LRRC7: variants seen among roughly 807,000 people sequenced by gnomAD.
LRRC7 encodes the protein leucine rich repeat containing 7.
LRRC7 carries 23 observed loss-of-function variants against 175.7 expected under a neutral mutation model. That is an observed-to-expected ratio of 0.13 (90% CI 0.09 to 0.19). The LOEUF (loss-of-function observed/expected upper bound fraction) is 0.19. LRRC7 is among the 10% of genes least tolerant of loss of function. The pLI is 1.00. For missense variants in LRRC7, 1,354 were observed against 1,904.7 expected, an observed-to-expected ratio of 0.71 and a Z score of 5.38; for synonymous variants, 685 against 680.9, an observed-to-expected ratio of 1.01 and a Z score of -0.09.
chr1:69,748,435 C>G (rs1460021371), intron 2 of LRRC7, among the ~76,000 whole-genome samples: 1 of 152,124 alleles, frequency 6.6e-6, no homozygotes, highest in Non-Finnish European at 1.5e-5. Flanking sequence ...CCTACTAGTC[C>G]TTACTAAAGC....
intron 1 of LRRC7, among the ~76,000 whole-genome samples, chr1:69,645,291 G>A (rs1204789908): frequency 6.6e-6 from 1 of 151,924 alleles, no homozygotes; most frequent in Non-Finnish European, 1.5e-5. Context: ...ATAATCAATT[G>A]TATTTCTGAA....
chr1:69,613,891 A>G (rs1357119583), intron 1 of LRRC7, among the ~76,000 whole-genome samples: 1 of 152,070 alleles, frequency 6.6e-6, no homozygotes, highest in Non-Finnish European at 1.5e-5. Context: ...AATGACAGAA[A>G]AAGTACATAT....
rs535800362 is a variant in LRRC7 at position 69,771,991 on chromosome 1, G to T, written c.303+11598G>T. Among the ~76,000 whole-genome samples, 4 of 151,994 alleles carry T rather than the reference G, an allele frequency of 2.6e-5. No homozygotes were observed. In the East Asian group the frequency reaches 7.8e-4, roughly 30 times the overall value. On this transcript the variant is annotated intron_variant, in intron 3 of 26. Transcript: ENST00000651989. Reference sequence around the variant, plus strand: ...CAAAAAATTAGCCAGGCATGATGGCGGTGCCTGCAATGCCAGCTACTCAGG... The same window carrying T: ...CAAAAAATTAGCCAGGCATGATGGCTGTGCCTGCAATGCCAGCTACTCAGG...
chr1:69,841,625 A>G (rs1057228101), intron 7 of LRRC7, among the ~76,000 whole-genome samples: 1 of 152,068 alleles, frequency 6.6e-6, no homozygotes, highest in African/African-American at 2.4e-5. Flanking sequence ...TTTGATTTTC[A>G]TCATAGCACT....
chr1:69,718,249 G>T lies in LRRC7; in HGVS notation c.100+39771G>T, dbSNP rs192924317. ...TAGACTGCAGGGAGTTTGGTGCTGG[G>T]AAACAGGGAAATCAATGGCTTGTTG... On this transcript the variant is annotated intron_variant, in intron 2 of 26. Coordinates refer to ENST00000651989, the MANE Select transcript of LRRC7 (RefSeq NM_001370785.2). 3.6e-3 allele frequency among the ~76,000 whole-genome samples: 541 copies of T among 151,910 alleles called. 4 individuals carry two copies. The highest frequency in any genetic ancestry group is 3.4e-3 in the Non-Finnish European group (231 of 67,792).
At chr1:69,870,964 A>G (rs1041469666) in intron 7 of LRRC7, among the ~76,000 whole-genome samples, 2 of 152,110 alleles carry the variant, frequency 1.3e-5, no homozygotes, top group Non-Finnish European at 2.9e-5. Flanking sequence ...ATATGCCAAC[A>G]ATTATATGAT....
intron 11 of LRRC7, among the ~76,000 whole-genome samples, chr1:70,009,865 A>G (rs1656339940): frequency 6.6e-6 from 1 of 152,124 alleles, no homozygotes; most frequent in Non-Finnish European, 1.5e-5. Context: ...ATTGCATTAG[A>G]TTTTTTCATG....
At chr1:69,589,349 T>C (rs1371850637) in intron 1 of LRRC7, among the ~76,000 whole-genome samples, 1 of 152,102 alleles carries the variant, frequency 6.6e-6, no homozygotes, top group Non-Finnish European at 1.5e-5. Context: ...TATTTTATGT[T>C]CTTATCTGAA....
chr1:69,959,165 A>G (rs567160956), intron 8 of LRRC7, among the ~76,000 whole-genome samples: 23 of 152,224 alleles, frequency 1.5e-4, no homozygotes, highest in African/African-American at 4.3e-4. Context: ...AGTCAGCCAA[A>G]CTGTGATTTT....
intron 7 of LRRC7, among the ~76,000 whole-genome samples, chr1:69,902,629 T>C (rs1468088464): frequency 6.6e-6 from 1 of 152,116 alleles, no homozygotes; most frequent in Admixed American, 6.6e-5. Flanking sequence ...AGTATCAGTA[T>C]AGTACAAAAG....
chr1:69,985,425 CT>C (rs1251717561), intron 9 of LRRC7, among the ~76,000 whole-genome samples: 1 of 152,174 alleles, frequency 6.6e-6, no homozygotes, highest in East Asian at 1.9e-4. Flanking sequence ...GTGGCAGCTT[CT>C]TTAGTTGGGA....
intron 3 of LRRC7, among the ~76,000 whole-genome samples, chr1:69,770,662 G>C (rs1195611359): frequency 1.3e-5 from 2 of 152,026 alleles, no homozygotes; most frequent in Non-Finnish European, 2.9e-5. Context: ...TGCAAATGTA[G>C]AACAAAAAAA....
chr1:69,713,786 G>T (rs1445440838), intron 2 of LRRC7, among the ~76,000 whole-genome samples: 1 of 151,422 alleles, frequency 6.6e-6, no homozygotes, highest in Non-Finnish European at 1.5e-5. Context: ...GAATTCTGGG[G>T]AATAGAGATA....
chr1:69,830,198 T>C (rs1680367217), intron 5 of LRRC7, among the ~76,000 whole-genome samples: 1 of 151,812 alleles, frequency 6.6e-6, no homozygotes, highest in Non-Finnish European at 1.5e-5. Flanking sequence ...TTCTCAAAAA[T>C]TTAAAACATT....
intron 7 of LRRC7, among the ~76,000 whole-genome samples, chr1:69,845,939 C>G (rs1308502040): frequency 6.6e-6 from 1 of 152,072 alleles, no homozygotes; most frequent in East Asian, 1.9e-4. Context: ...ACCCATGGTA[C>G]CATCCTCTTC....
At chr1:69,687,546 GA>G (rs1557601122) in intron 2 of LRRC7, among the ~76,000 whole-genome samples, 1 of 130,366 alleles carries the variant, frequency 7.7e-6, no homozygotes, top group East Asian at 2.2e-4. Context: ...AAAGAAAAAA[GA>G]AAAAGAAAAG....
At chr1:69,596,312 G>A (rs919492212) in intron 1 of LRRC7, among the ~76,000 whole-genome samples, 1 of 152,120 alleles carries the variant, frequency 6.6e-6, no homozygotes, top group African/African-American at 2.4e-5. Flanking sequence ...TGATTAAACC[G>A]GAACAAAACC....
intron 4 of LRRC7, among the ~76,000 whole-genome samples, chr1:69,820,521 C>T (rs760138343): frequency 1.1e-4 from 17 of 152,010 alleles, no homozygotes; most frequent in Non-Finnish European, 2.1e-4. Flanking sequence ...CTTCCCTAGC[C>T]CCCCAACAGA....
chr1:69,965,261 T>G (rs1023982584), intron 8 of LRRC7, among the ~76,000 whole-genome samples: 3 of 152,206 alleles, frequency 2.0e-5, no homozygotes, highest in Non-Finnish European at 4.4e-5. Flanking sequence ...TTAAACTTCA[T>G]TTTGTTTGAG....
Sources: allele counts gnomAD v4.1 joint callset (sites outside exome capture counted in the v4.1 genomes callset), GRCh38; gene constraint gnomAD v4.1.1; transcripts MANE v1.5; gene names NCBI Gene and HGNC (gene_info 2026-07-23, HGNC 2026-07-21).